The following DDAH1 variants were observed in gnomAD, a reference collection of about 807,000 sequenced individuals.
The protein encoded by DDAH1 is N(G),N(G)-dimethylarginine dimethylaminohydrolase 1.
Under a neutral mutation model 28.8 loss-of-function variants are expected in DDAH1, and 19 were observed. That is an observed-to-expected ratio of 0.66 (90% confidence interval 0.46 to 0.97). DDAH1 has a LOEUF of 0.97. Among genes scored for constraint, DDAH1 ranks in the 50% least tolerant of loss-of-function variants. DDAH1 has a pLI of 0.00. For missense variants in DDAH1, 326 were observed against 375.9 expected (o/e 0.87, Z 1.10); for synonymous variants, 153 against 154.4 (o/e 0.99, Z 0.07).
At chr1:85,542,912 C>T (rs181469968) in intron 1 of DDAH1, among the ~76,000 whole-genome samples, 16 of 152,214 alleles carry the variant, frequency 1.1e-4, no homozygotes, top group African/African-American at 3.6e-4. Flanking sequence ...TTTATAATGA[C>T]GTGCAGAGAT....
chr1:85,565,198 T>C lies in DDAH1; in HGVS notation c.-123+12786A>G, dbSNP rs537195357. 3.1e-5 allele frequency among the ~76,000 whole-genome samples: 4 copies of C among 130,678 alleles called. No individual in the cohort carries two copies. The South Asian group carries it at 1.3e-3, about 43-fold the overall frequency. The allele number at this position is 130,678 out of a possible 152,430, so 85.7% of individuals were successfully genotyped here. ...GCCTAGGCAATGGAACGAGACTCCG[T>C]TAAAAAAAAAATGCATAAAGAAGAA... On this transcript the variant is annotated intron_variant, in intron 1 of 6. Transcript: ENST00000426972.
At chr1:85,500,145 T>G (rs1656761433) in intron 1 of DDAH1, among the ~76,000 whole-genome samples, 1 of 71,470 alleles carries the variant, frequency 1.4e-5, no homozygotes, top group African/African-American at 4.2e-5. Flanking sequence ...TTTCTTTCTT[T>G]CTTTTCTTTC....
chr1:85,525,567 T>TCACACACACACACACGCACA (rs1657838776), intron 1 of DDAH1, among the ~76,000 whole-genome samples: 3 of 148,984 alleles, frequency 2.0e-5, no homozygotes, highest in Admixed American at 2.0e-4. Context: ...AGAATGATAT[T>TCACACACACACACACGCACA]CACACACACA....
chr1:85,561,629 G>T (rs954257674), intron 1 of DDAH1, among the ~76,000 whole-genome samples: 1 of 151,978 alleles, frequency 6.6e-6, no homozygotes, highest in Non-Finnish European at 1.5e-5. Flanking sequence ...AGTCTCTCAC[G>T]GTTCTTACTG....
At chr1:85,453,697 TA>T (rs1225331354) in intron 1 of DDAH1, among the ~76,000 whole-genome samples, 2 of 152,194 alleles carry the variant, frequency 1.3e-5, no homozygotes, top group African/African-American at 4.8e-5. Flanking sequence ...GTCTCATACT[TA>T]ATAGGCACCA....
intron 1 of DDAH1, among the ~76,000 whole-genome samples, chr1:85,560,948 T>A (rs1454634548): frequency 6.6e-6 from 1 of 152,100 alleles, no homozygotes; most frequent in Non-Finnish European, 1.5e-5. Context: ...TAACTGAAAT[T>A]TTTAAAAATG....
upstream of DDAH1, among the ~76,000 whole-genome samples, chr1:85,469,482 A>G (rs1349302301): frequency 6.6e-6 from 1 of 152,274 alleles, no homozygotes; most frequent in Non-Finnish European, 1.5e-5. Context: ...TAGAGTTATT[A>G]TAAATGTTAA....
At chr1:85,515,100 C>T (rs377636109) in intron 1 of DDAH1, among the ~76,000 whole-genome samples, 1 of 146,846 alleles carries the variant, frequency 6.8e-6, no homozygotes, top group African/African-American at 2.5e-5. Context: ...TTTAAAATTA[C>T]AAGTGTTGGC....
At chr1:85,467,383 C>G (rs1368961078), upstream of DDAH1, 1 of 152,218 alleles carries the variant, frequency 6.6e-6, no homozygotes, top group African/African-American at 2.4e-5. Flanking sequence ...TCATGTCAGT[C>G]TAGCAGCCAA....
At chr1:85,533,597 G>A (rs1658166092) in intron 1 of DDAH1, among the ~76,000 whole-genome samples, 1 of 152,118 alleles carries the variant, frequency 6.6e-6, no homozygotes, top group Non-Finnish European at 1.5e-5. Context: ...GCAAAGAGGT[G>A]AACTTGAGAA....
intron 1 of DDAH1, among the ~76,000 whole-genome samples, chr1:85,554,553 G>A (rs1658905980): frequency 6.6e-6 from 1 of 152,120 alleles, no homozygotes; most frequent in Non-Finnish European, 1.5e-5. Flanking sequence ...GTCTCCTGGA[G>A]AAGTCTTAAC....
intron 1 of DDAH1, among the ~76,000 whole-genome samples, chr1:85,402,161 ATTT>A (rs11365834): frequency 1.3e-4 from 16 of 120,398 alleles, no homozygotes; most frequent in East Asian, 4.8e-4. Flanking sequence ...TAATACTTCT[ATTT>A]TTTTTTTTTT....
At chr1:85,391,066 T>C (rs1243067949) in intron 1 of DDAH1, among the ~76,000 whole-genome samples, 1 of 152,202 alleles carries the variant, frequency 6.6e-6, no homozygotes, top group African/African-American at 2.4e-5. Context: ...AAAGAGCTAA[T>C]AAAAAGTTAC....
chr1:85,359,777 A>C (rs560990944), intron 1 of DDAH1, among the ~76,000 whole-genome samples: 2 of 152,332 alleles, frequency 1.3e-5, no homozygotes, highest in South Asian at 4.1e-4. Flanking sequence ...TTGAAAATAA[A>C]TTTCAGGAAT....
intron 1 of DDAH1, among the ~76,000 whole-genome samples, chr1:85,417,296 T>C (rs1652929142): frequency 6.6e-6 from 1 of 151,610 alleles, no homozygotes; most frequent in South Asian, 2.1e-4. Context: ...CAGTCTACTG[T>C]GCTGGGTGAG....
intron 1 of DDAH1, among the ~76,000 whole-genome samples, chr1:85,568,518 G>A (rs985946897): frequency 6.6e-6 from 1 of 151,928 alleles, no homozygotes; most frequent in South Asian, 2.1e-4. Flanking sequence ...TTCAAGTAAG[G>A]CCAAGAATAT....
At chr1:85,512,202 A>T (rs2100751819) in intron 1 of DDAH1, among the ~76,000 whole-genome samples, 1 of 152,330 alleles carries the variant, frequency 6.6e-6, no homozygotes, top group African/African-American at 2.4e-5. Context: ...AACATACGCA[A>T]ATCAATAAAC....
At chr1:85,355,799 CAG>C in intron 2 of DDAH1, among the ~76,000 whole-genome samples, 1 of 152,188 alleles carries the variant, frequency 6.6e-6, no homozygotes, top group African/African-American at 2.4e-5. Flanking sequence ...ATTCTTATCA[CAG>C]AGAACTACAC....
intron 1 of DDAH1, among the ~76,000 whole-genome samples, chr1:85,503,452 C>G (rs1214933615): frequency 6.6e-6 from 1 of 152,122 alleles, no homozygotes; most frequent in South Asian, 2.1e-4. Context: ...CCACCCACCT[C>G]GGGCCTCCCA....
Sources: gnomAD v4.1 joint callset for allele counts (sites outside exome capture counted in the v4.1 genomes callset) on GRCh38, gnomAD v4.1.1 for gene constraint, MANE v1.5 for transcripts, NCBI Gene and HGNC (gene_info 2026-07-23, HGNC 2026-07-21) for gene names.